The following ECPAS variants were observed in gnomAD, a reference collection of about 807,000 sequenced individuals.
ECPAS encodes the protein proteasome adapter and scaffold protein ECM29.
Under a neutral mutation model 255.1 loss-of-function variants are expected in ECPAS, and 70 were observed. The observed-to-expected ratio is 0.27, with a 90% CI of 0.23 to 0.33. ECPAS has a LOEUF of 0.33. ECPAS is among the 10% of genes least tolerant of loss of function. The pLI, the probability that ECPAS is intolerant of heterozygous loss-of-function variation, is 1.00. For missense variants in ECPAS, 1,817 were observed against 2,206.4 expected (o/e 0.82, Z 3.54); for synonymous variants, 784 against 775.0 (o/e 1.01, Z -0.19).
intron 2 of ECPAS, among the ~76,000 whole-genome samples, chr9:111,463,260 C>CCTTCTGTGGTGAAA (rs2098275376): frequency 6.6e-6 from 1 of 152,188 alleles, no homozygotes; most frequent in East Asian, 1.9e-4. Context: ...TCAATTCAAC[C>CCTTCTGTGGTGAAA]CTTCTGTGGT....
chr9:111,391,704 T>C (rs1007187195), intron 29 of ECPAS, 52 bp downstream of exon 29: 4 of 1,103,296 alleles, frequency 3.6e-6, no homozygotes, highest in Admixed American at 1.9e-5. Context: ...GACTAATAAA[T>C]GCATATATAT....
chr9:111,413,991 A>G lies in ECPAS; in HGVS notation c.1988-5T>C, dbSNP rs1372925888. ...GACAGTACATAACCGGCAAACCTAAATAAGAATTCAGAATCACCTTAAATT... is the reference window on the plus strand; with the variant it reads ...GACAGTACATAACCGGCAAACCTAAGTAAGAATTCAGAATCACCTTAAATT... On this transcript the variant is annotated splice_polypyrimidine_tract_variant and splice_region_variant and intron_variant, in intron 19 of 49. Transcript: ENST00000684092. 3 of 1,557,854 alleles carry G rather than the reference A, an allele frequency of 1.9e-6. No individual in the cohort carries two copies. Among genetic ancestry groups the G allele is most frequent in the Non-Finnish European group, 2.6e-6 (3 of 1,148,442 alleles).
chr9:111,430,807 T>G (rs1394999304), intron 8 of ECPAS, among the ~76,000 whole-genome samples, 179 bp from the exon 9 acceptor site: 4 of 152,248 alleles, frequency 2.6e-5, no homozygotes, highest in African/African-American at 4.8e-5. Flanking sequence ...TATCAAAGTA[T>G]GTTTTTAAAC....
intron 25 of ECPAS, 54 bp from the exon 26 acceptor site, chr9:111,394,359 C>G: frequency 7.1e-7 from 1 of 1,407,804 alleles, no homozygotes; most frequent in Non-Finnish European, 9.4e-7. Flanking sequence ...AACATAGTTT[C>G]CTGAAAAAAT....
At chr9:111,433,425 CCACTGAA>C (rs1025924188) in intron 7 of ECPAS, 53 bp from the exon 8 acceptor site, 92 of 1,595,054 alleles carry the variant, frequency 5.8e-5, no homozygotes, top group Admixed American at 1.3e-4. Flanking sequence ...CAAAGGACAC[CCACTGAA>C]AGTACTGCTT....
At chr9:111,441,128 G>A (rs2098245285) in intron 5 of ECPAS, among the ~76,000 whole-genome samples, 1 of 150,230 alleles carries the variant, frequency 6.7e-6, no homozygotes, top group Non-Finnish European at 1.5e-5. Flanking sequence ...CTCCAACCTG[G>A]GCAACAGAGT....
intron 1 of ECPAS, among the ~76,000 whole-genome samples, chr9:111,481,418 A>C (rs187647081): frequency 6.6e-6 from 1 of 152,294 alleles, no homozygotes; most frequent in African/African-American, 2.4e-5. Context: ...AGGCATAAGA[A>C]TGGCGTGAAC....
At chr9:111,460,136 A>G (rs889395010) in intron 2 of ECPAS, among the ~76,000 whole-genome samples, 1 of 152,216 alleles carries the variant, frequency 6.6e-6, no homozygotes, top group Non-Finnish European at 1.5e-5. Flanking sequence ...CAAAAATTGG[A>G]TTTATTCCAA....
At chr9:111,403,984 A>G (rs2098180150) in intron 24 of ECPAS, among the ~76,000 whole-genome samples, 1 of 149,912 alleles carries the variant, frequency 6.7e-6, no homozygotes, top group South Asian at 2.1e-4. Flanking sequence ...AATACATGGA[A>G]ATTAAACAAC....
At chr9:111,424,661 A>G (rs370517999) in intron 12 of ECPAS, among the ~76,000 whole-genome samples, 20 of 152,222 alleles carry the variant, frequency 1.3e-4, no homozygotes, top group African/African-American at 4.6e-4. Flanking sequence ...GTTTTGACAG[A>G]ATTTTGAATC....
chr9:111,478,725 C>A (rs1391471001), intron 1 of ECPAS, among the ~76,000 whole-genome samples: 1 of 152,096 alleles, frequency 6.6e-6, no homozygotes, highest in Non-Finnish European at 1.5e-5. Flanking sequence ...GTTTTACCAG[C>A]TACACATCTC....
rs534722266 is a variant in ECPAS, at chr9:111,403,943, C to T, written c.2652+4628G>A. On this transcript the variant is annotated intron_variant, in intron 24 of 49. Coordinates refer to ENST00000684092, the MANE Select transcript of ECPAS (RefSeq NM_001364929.1). ...ACCATAATGGAATAAAACTAGAAAT[C>T]AGTAATAAGTAGAACTTTGGAAACT... is the stretch of plus-strand genomic sequence containing the variant. Among the ~76,000 whole-genome samples the T allele has an allele frequency of 1.1e-4, 17 of 149,698 alleles. 4 individuals carry two copies. The highest frequency in any genetic ancestry group is 4.3e-4 in the African/African-American group (17 of 39,528).
At chr9:111,434,825 T>C (rs1184228305) in intron 7 of ECPAS, among the ~76,000 whole-genome samples, 2 of 150,380 alleles carry the variant, frequency 1.3e-5, no homozygotes, top group Non-Finnish European at 3.0e-5. Context: ...CTCGAACTCC[T>C]GACCTCAAGC....
At chr9:111,426,846 T>C (rs745331130) in intron 10 of ECPAS, among the ~76,000 whole-genome samples, 5 of 151,950 alleles carry the variant, frequency 3.3e-5, no homozygotes, top group Non-Finnish European at 5.9e-5. Flanking sequence ...CACATGCCTG[T>C]AGTCCCAGCT....
chr9:111,423,954 G>A (rs2098217918), intron 12 of ECPAS, among the ~76,000 whole-genome samples: 1 of 152,148 alleles, frequency 6.6e-6, no homozygotes. Flanking sequence ...TTCATCTGTT[G>A]GGAAGACATG....
At chr9:111,482,858 C>G in intron 1 of ECPAS, among the ~76,000 whole-genome samples, 1 of 133,936 alleles carries the variant, frequency 7.5e-6, no homozygotes, top group East Asian at 2.6e-4. Context: ...AGGGTGACCA[C>G]CGCTCTCCCC....
At chr9:111,424,924 C>T (rs1349826488) in intron 12 of ECPAS, among the ~76,000 whole-genome samples, 1 of 152,048 alleles carries the variant, frequency 6.6e-6, no homozygotes, top group Non-Finnish European at 1.5e-5. Context: ...AATCCCAGCA[C>T]TTAGGGAGGC....
chr9:111,406,383 G>C (rs895837185), intron 24 of ECPAS, among the ~76,000 whole-genome samples: 24 of 149,708 alleles, frequency 1.6e-4, no homozygotes, highest in Admixed American at 9.9e-4. Context: ...CGGGGAAAGA[G>C]AGCTTGGCTA....
rs530799967 is a variant in ECPAS at position 111,406,343 on chromosome 9, T to G, written c.2652+2228A>C. 1.0e-4 allele frequency among the ~76,000 whole-genome samples: 15 copies of G among 149,752 alleles called. 1 individual carries two copies. The South Asian group carries it at 2.9e-3, about 29-fold the overall frequency. On this transcript the variant is annotated intron_variant, in intron 24 of 49. Transcript: ENST00000684092. ...CATGGAAGTAGTGAACAAATGGTGGTTACCAGAGGCCAGGAAAGGTACTGG... is the reference window on the plus strand; with the variant it reads ...CATGGAAGTAGTGAACAAATGGTGGGTACCAGAGGCCAGGAAAGGTACTGG...
Sources: allele counts gnomAD v4.1 joint callset (sites outside exome capture counted in the v4.1 genomes callset), GRCh38; gene constraint gnomAD v4.1.1; transcripts MANE v1.5; gene names NCBI Gene and HGNC (gene_info 2026-07-23, HGNC 2026-07-21).